Variants in ALK observed in about 807,000 individuals in gnomAD.
ALK encodes ALK receptor tyrosine kinase.
ALK carries 74 observed loss-of-function variants against 163.1 expected under a neutral mutation model. That is an observed-to-expected ratio of 0.45 (90% CI 0.38 to 0.55). ALK has a LOEUF of 0.55. Among genes scored for constraint, ALK ranks in the 20% least tolerant of loss-of-function variants. The probability of loss-of-function intolerance (pLI) is 0.00; values close to 1 mark genes in which losing one functional copy is unlikely to be tolerated. For synonymous variants in ALK, 960 were observed against 843.2 expected (o/e 1.14, Z -2.40); for missense variants, 2,063 against 2,105.3 (o/e 0.98, Z 0.39).
chr2:29,586,624 T>C (rs1050687020), intron 3 of ALK, among the ~76,000 whole-genome samples: 1 of 152,200 alleles, frequency 6.6e-6, no homozygotes, highest in Non-Finnish European at 1.5e-5. Context: ...GTTATCTACC[T>C]GGGAAATAGG....
At chr2:29,443,088 C>T (rs969309468) in intron 4 of ALK, among the ~76,000 whole-genome samples, 4 of 152,136 alleles carry the variant, frequency 2.6e-5, no homozygotes, top group African/African-American at 4.8e-5. Flanking sequence ...CATTTGAGGG[C>T]GTCCTTTCCC....
At chr2:29,812,641 C>T (rs528964673) in intron 1 of ALK, among the ~76,000 whole-genome samples, 1 of 152,250 alleles carries the variant, frequency 6.6e-6, no homozygotes, top group South Asian at 2.1e-4. Context: ...CTGGTATAAC[C>T]AAGGTGGTGC....
At chr2:29,914,860 C>G (rs562904766) in intron 1 of ALK, among the ~76,000 whole-genome samples, 5 of 152,164 alleles carry the variant, frequency 3.3e-5, no homozygotes, top group African/African-American at 1.2e-4. Context: ...GAAAGGGGAA[C>G]TGTGGTTCTA....
intron 5 of ALK, among the ~76,000 whole-genome samples, chr2:29,334,102 G>C (rs1667538102): frequency 6.6e-6 from 1 of 152,136 alleles, no homozygotes; most frequent in Admixed American, 6.5e-5. Flanking sequence ...TGGGGATCTA[G>C]ATCTCACCAC....
intron 5 of ALK, among the ~76,000 whole-genome samples, chr2:29,338,284 G>A (rs1387731967): frequency 1.3e-5 from 2 of 152,116 alleles, no homozygotes; most frequent in Non-Finnish European, 2.9e-5. Context: ...GCAATGATGG[G>A]TTTTCAGCAT....
At chr2:29,404,901 C>A (rs1406196212) in intron 4 of ALK, among the ~76,000 whole-genome samples, 1 of 152,128 alleles carries the variant, frequency 6.6e-6, no homozygotes, top group African/African-American at 2.4e-5. Context: ...TCCCACCCAG[C>A]CCCAAGGAGG....
chr2:29,353,106 G>A (rs151286606), intron 5 of ALK, among the ~76,000 whole-genome samples: 2 of 152,308 alleles, frequency 1.3e-5, no homozygotes, highest in South Asian at 2.1e-4. Context: ...GCAAGATTCT[G>A]AACCTCCTCA....
At chr2:29,693,406 TACACACACACACAC>T (rs58588313) in intron 3 of ALK, among the ~76,000 whole-genome samples, 1 of 145,174 alleles carries the variant, frequency 6.9e-6, no homozygotes, top group Non-Finnish European at 1.5e-5. Flanking sequence ...AGCACTCACC[TACACACACACACAC>T]ACACACACAC....
chr2:29,599,788 G>A (rs966518915), intron 3 of ALK, among the ~76,000 whole-genome samples: 22 of 152,088 alleles, frequency 1.4e-4, no homozygotes, highest in Non-Finnish European at 3.1e-4. Flanking sequence ...ACCAAAATGG[G>A]GATTCCTTAA....
chr2:29,453,246 T>C (rs1670867779), intron 4 of ALK, among the ~76,000 whole-genome samples: 1 of 152,234 alleles, frequency 6.6e-6, no homozygotes, highest in African/African-American at 2.4e-5. Flanking sequence ...AATTCTTTTT[T>C]TCTGAGACAG....
intron 1 of ALK, among the ~76,000 whole-genome samples, chr2:29,739,619 C>T (rs1379927907): frequency 6.6e-6 from 1 of 151,704 alleles, no homozygotes; most frequent in Non-Finnish European, 1.5e-5. Context: ...CTTGGATCTG[C>T]ATTTCCATTC....
intron 3 of ALK, among the ~76,000 whole-genome samples, chr2:29,550,012 C>T (rs909310797): frequency 9.9e-5 from 15 of 152,126 alleles, no homozygotes; most frequent in African/African-American, 3.4e-4. Flanking sequence ...AATTCAGGTC[C>T]CTTTACAAAT....
intron 5 of ALK, among the ~76,000 whole-genome samples, chr2:29,354,489 A>C (rs1167263389): frequency 1.5e-4 from 23 of 152,176 alleles, no homozygotes; most frequent in Admixed American, 1.5e-3. Flanking sequence ...GGCCATGCTC[A>C]TCAGAGAAGG....
intron 1 of ALK, chr2:29,890,798 T>C (rs1266326770): frequency 6.6e-6 from 1 of 152,212 alleles, no homozygotes. Flanking sequence ...CAATTCTGTG[T>C]TATTGGAGAC....
At chr2:29,471,141 A>G (rs910905674) in intron 4 of ALK, among the ~76,000 whole-genome samples, 1 of 152,210 alleles carries the variant, frequency 6.6e-6, no homozygotes, top group South Asian at 2.1e-4. Context: ...TTAATAGGAT[A>G]TATAATTAAA....
At chr2:29,793,118 C>A (rs1476586621) in intron 1 of ALK, among the ~76,000 whole-genome samples, 1 of 152,126 alleles carries the variant, frequency 6.6e-6, no homozygotes, top group Non-Finnish European at 1.5e-5. Context: ...ATATTTTAAA[C>A]CCTTTGCTGC....
Position 29,325,375 on chromosome 2 carries a change from G to A in ALK, c.1414+2975C>T, listed in dbSNP as rs1002414121. Among the ~76,000 whole-genome samples the A allele has an allele frequency of 2.0e-5, 3 of 152,288 alleles. No individual in the cohort carries two copies. The East Asian group carries it at 5.8e-4, about 29-fold the overall frequency. ...GAAAATAATAACATGAATAATACTG[G>A]CTAACATTTACTGAGCACTTACTTT... On this transcript the variant is annotated intron_variant, in intron 6 of 28. Transcript: ENST00000389048.
intron 13 of ALK, among the ~76,000 whole-genome samples, chr2:29,238,838 A>C (rs748206026): frequency 6.6e-6 from 1 of 152,208 alleles, no homozygotes; most frequent in Non-Finnish European, 1.5e-5. Flanking sequence ...AGCAACCCCG[A>C]GGAACAACTA....
chr2:29,567,877 G>C (rs1674239661), intron 3 of ALK, among the ~76,000 whole-genome samples: 1 of 152,170 alleles, frequency 6.6e-6, no homozygotes, highest in Non-Finnish European at 1.5e-5. Context: ...CAGCCTATTA[G>C]CGTTAAATAC....
Sources: allele counts gnomAD v4.1 joint callset (sites outside exome capture counted in the v4.1 genomes callset), GRCh38; gene constraint gnomAD v4.1.1; transcripts MANE v1.5; gene names NCBI Gene and HGNC (gene_info 2026-07-23, HGNC 2026-07-21).